ZNF318: variants seen among roughly 807,000 people sequenced by gnomAD.
ZNF318 encodes zinc finger protein 318.
In ZNF318, 51 loss-of-function variants were observed where a neutral mutation model predicts 124.2. The ratio of observed to expected loss-of-function variants is 0.41; its 90% CI spans 0.33 to 0.52. The LOEUF (loss-of-function observed/expected upper bound fraction) is 0.52. Ranked by LOEUF, ZNF318 falls within the 20% of genes least tolerant of loss-of-function variation. ZNF318 has a pLI of 0.23. For synonymous variants in ZNF318, 1,090 were observed against 1,040.7 expected, an observed-to-expected ratio of 1.05 and a Z score of -0.91; for missense variants, 2,815 against 2,811.2, an observed-to-expected ratio of 1.00 and a Z score of -0.03.
rs1779319151 is a variant in ZNF318 at position 43,338,338 on chromosome 6, A to G, written c.5660T>C (p.Ile1887Thr). 6.2e-7 allele frequency: 1 copy of G among 1,614,146 alleles called. No individual in the cohort carries two copies. Among genetic ancestry groups the G allele is most frequent in the South Asian group, 1.1e-5 (1 of 91,082 alleles). Reference sequence around the variant, plus strand: ...ATGAAGCAGCAACTCTGGGGCAGAAATTTTCACAGGTGTATCTTGTGGGTT... The same window carrying G: ...ATGAAGCAGCAACTCTGGGGCAGAAGTTTTCACAGGTGTATCTTGTGGGTT... ...LLNPQDTPVK[I>T]SAPELLLHSP... Residue 1887 changes from isoleucine (I) to threonine (T), a missense_variant, in exon 10 of 10, where the codon ATT (isoleucine) becomes ACT (threonine). By Grantham distance (89) the Ile-to-Thr change is moderately conservative. This residue lies in a region of ZNF318 where 927 missense variants were observed against 820.6 expected (regional missense o/e 1.13). Transcript: ENST00000361428.
intron 2 of ZNF318, among the ~76,000 whole-genome samples, chr6:43,359,043 T>C (rs1255234297): frequency 2.6e-5 from 4 of 152,228 alleles, no homozygotes; most frequent in Admixed American, 6.5e-5. Context: ...AAAAAAAGTA[T>C]CACTATATGG....
chr6:43,363,958 T>C, intron 2 of ZNF318: 1 of 679,362 alleles, frequency 1.5e-6, no homozygotes, highest in East Asian at 2.7e-5. Flanking sequence ...CACCGTTCCT[T>C]GCAAGGTGAC....
Position 43,354,825 on chromosome 6 carries a change from C to T in ZNF318, c.2509G>A (p.Val837Met), listed in dbSNP as rs1779580953. ...QATRSRPNLR[V>M]IPTVTPDKPK... ...TTATCAGGAGTCACAGTGGGGATCA[C>T]ACGAAGATTGGGACGGCTACGAGTA... Residue 837 changes from valine (V) to methionine (M), a missense_variant, in exon 4 of 10, where the codon GTG becomes ATG. Coordinates refer to ENST00000361428, the MANE Select transcript of ZNF318 (RefSeq NM_014345.3). The T allele has an allele frequency of 6.2e-7, 1 of 1,614,068 alleles. No homozygotes were observed.
At chr6:43,342,358 A>C in intron 7 of ZNF318, 147 bp from the exon 8 acceptor site, 1 of 642,552 alleles carries the variant, frequency 1.6e-6, no homozygotes, top group Non-Finnish European at 2.6e-6. Context: ...TTTTAATGGA[A>C]ATCACCTGTG....
In ZNF318 at chr6:43,369,069, G is replaced by A. The variant is rs905554291; in HGVS notation, c.297C>T (p.Phe99=). 4 of 1,334,078 alleles carry A rather than the reference G, an allele frequency of 3.0e-6. No individual in the cohort carries two copies. Among genetic ancestry groups the A allele is most frequent in the African/African-American group, 3.0e-5 (2 of 65,816 alleles). The allele number at this position is 1,334,078 out of a possible 1,614,324, so 82.6% of individuals were successfully genotyped here. The stretch of plus-strand genomic sequence containing the variant: ...CTCTGAAGCCGGCCGGGCCCGGCGG[G>A]AAGAGTCGTCGGCCCCGCGGTGGCG... ...SPSPPRGRRL[F]PPGPAGFRGS... is the part of the protein sequence containing the mutation. Residue 99 remains phenylalanine (F), a synonymous_variant, in exon 1 of 10, where the codon TTC becomes TTT. Coordinates refer to ENST00000361428, the MANE Select transcript of ZNF318 (RefSeq NM_014345.3).
intron 2 of ZNF318, among the ~76,000 whole-genome samples, chr6:43,362,181 G>T (rs546726080): frequency 2.0e-5 from 3 of 151,980 alleles, no homozygotes; most frequent in Non-Finnish European, 2.9e-5. Context: ...TTTAAAAGGG[G>T]CCAGGCGCGG....
intron 4 of ZNF318, among the ~76,000 whole-genome samples, chr6:43,354,217 CA>C (rs575345392): frequency 9.4e-4 from 143 of 152,284 alleles, no homozygotes; most frequent in Non-Finnish European, 1.8e-3. Context: ...TGGTTTGCTT[CA>C]ATTATCAAGC....
At chr6:43,352,740 A>T (rs1489179936) in intron 4 of ZNF318, among the ~76,000 whole-genome samples, 3 of 152,246 alleles carry the variant, frequency 2.0e-5, no homozygotes, top group Admixed American at 2.0e-4. Context: ...CAACTATTAG[A>T]TAGTGGTTCT....
At position 43,354,765 on chromosome 6, in the gene ZNF318, G is replaced by A. The variant is rs769140482; in HGVS notation, c.2569C>T (p.Pro857Ser). ...ACCTGGACAGGCACTTGGGCCGCAGGAATTGAGCCTCGCAGAGACTCTTTC... is the reference window on the plus strand; with the variant it reads ...ACCTGGACAGGCACTTGGGCCGCAGAAATTGAGCCTCGCAGAGACTCTTTC... ...KQKESLRGSI[P>S]AAQVPVQVSI... The change falls in exon 4 of 10, where the codon CCT becomes TCT. Residue 857 changes from proline (P) to serine (S), a missense_variant. Physicochemically the swap from Pro to Ser is moderately conservative, Grantham distance 74. Transcript: ENST00000361428. 6.8e-6 allele frequency: 11 copies of A among 1,614,180 alleles called. No homozygotes were observed. The Admixed American group carries it at 1.8e-4, about 27-fold the overall frequency.
At chr6:43,363,171 G>A (rs1312095206) in intron 2 of ZNF318, among the ~76,000 whole-genome samples, 2 of 152,192 alleles carry the variant, frequency 1.3e-5, no homozygotes, top group Non-Finnish European at 2.9e-5. Context: ...GCATAACAAA[G>A]TTTATGCAAA....
chr6:43,357,493 G>A lies in ZNF318; in HGVS notation c.821C>T (p.Pro274Leu). ...SEERSREAKRPRYDDTVKINS... is the reference protein window; with the variant it reads ...SEERSREAKRLRYDDTVKINS... Reference sequence around the variant, plus strand: ...TATCTTCACTGTGTCATCATAACGGGGTCTTTTGGCCTCCCGGCTCCTTTC... The same window carrying A: ...TATCTTCACTGTGTCATCATAACGGAGTCTTTTGGCCTCCCGGCTCCTTTC... The change falls in exon 3 of 10, where the codon CCC (proline) becomes CTC (leucine). Residue 274 changes from proline to leucine, a missense_variant. Transcript: ENST00000361428. 6.2e-7 allele frequency: 1 copy of A among 1,614,090 alleles called. No individual in the cohort carries two copies. The highest frequency in any genetic ancestry group is 8.5e-7 in the Non-Finnish European group (1 of 1,180,016).
Position 43,369,424 on chromosome 6 carries a change from C to T in ZNF318, c.-59G>A. ...GACCCGGGGGCGCCCTAGACGCAGG[C>T]TCGGAGCGCGCCGCCGCAGCTGCAG... On this transcript the variant is annotated 5_prime_UTR_variant, in exon 1 of 10. Transcript: ENST00000361428. 8 of 1,148,466 alleles carry T rather than the reference C, an allele frequency of 7.0e-6. No homozygotes were observed. Among genetic ancestry groups the T allele is most frequent in the Non-Finnish European group, 8.6e-6 (8 of 932,970 alleles). The allele number at this position is 1,148,466 out of a possible 1,614,324, so 71.1% of individuals were successfully genotyped here. A position where few individuals can be genotyped will look rare whatever the true frequency, so the allele number is the denominator to read the frequency against.
At position 43,369,308 on chromosome 6, in the gene ZNF318, C is replaced by G. The variant is rs866240333; in HGVS notation, c.58G>C (p.Gly20Arg). 2 of 1,347,474 alleles carry G rather than the reference C, an allele frequency of 1.5e-6. No homozygotes were observed. The highest frequency in any genetic ancestry group is 1.9e-6 in the Non-Finnish European group (2 of 1,042,504). The allele number at this position is 1,347,474 out of a possible 1,614,324, so 83.5% of individuals were successfully genotyped here. A position where few individuals can be genotyped will look rare whatever the true frequency, so the allele number is the denominator to read the frequency against. ...VSSHRPKDDG[G>R]GGPRSGRSSG... ...CTGCGGCCGCTGCGCGGGCCGCCCC[C>G]GCCGTCGTCTTTAGGCCGGTGGGAA... Residue 20 changes from glycine (G) to arginine (R), a missense_variant, in exon 1 of 10, where the codon GGG becomes CGG. Around this residue, in one of 4 missense-constraint regions of ZNF318, gnomAD observed 1,377 missense variants for 1,353.5 expected, o/e 1.02. Coordinates refer to ENST00000361428, the MANE Select transcript of ZNF318 (RefSeq NM_014345.3).
Position 43,338,459 on chromosome 6 carries a change from T to G in ZNF318, c.5539A>C (p.Thr1847Pro). The G allele has an allele frequency of 6.2e-7, 1 of 1,614,102 alleles. No homozygotes were observed. The highest frequency in any genetic ancestry group is 8.5e-7 in the Non-Finnish European group (1 of 1,180,016). The change falls in exon 10 of 10, where the codon ACT becomes CCT. Residue 1847 changes from threonine (T) to proline (P), a missense_variant. Thr to Pro is a conservative substitution (Grantham distance 38). Transcript: ENST00000361428. The stretch of plus-strand genomic sequence containing the variant: ...AATTTGATCACTACTTTACTTGGAG[T>G]TTCACTTCCTGTCATCAATTTATTG... ...QSNKLMTGSETPSKVVIKLSP... is the reference protein window; with the variant it reads ...QSNKLMTGSEPPSKVVIKLSP...
rs774340986 is a variant in ZNF318, at chr6:43,355,607, G to T, written c.1727C>A (p.Ala576Asp). The T allele has an allele frequency of 6.2e-7, 1 of 1,614,196 alleles. No individual in the cohort carries two copies. Among genetic ancestry groups the T allele is most frequent in the South Asian group, 1.1e-5 (1 of 91,088 alleles). ...KASSLPSSAP[A>D]VKLESLEETN... ...CTCTTCTAGTGATTCTAGCTTTACAGCTGGAGCTGAAGACGGCAGGGAGCT... is the reference window on the plus strand; with the variant it reads ...CTCTTCTAGTGATTCTAGCTTTACATCTGGAGCTGAAGACGGCAGGGAGCT... The change falls in exon 4 of 10, where the codon GCT becomes GAT. Residue 576 changes from alanine (A) to aspartate (D), a missense_variant. By Grantham distance (126) the Ala-to-Asp change is moderately radical (BLOSUM62 -2). Coordinates refer to ENST00000361428, the MANE Select transcript of ZNF318 (RefSeq NM_014345.3).
chr6:43,359,155 C>T (rs1171737259), intron 2 of ZNF318, among the ~76,000 whole-genome samples: 1 of 152,140 alleles, frequency 6.6e-6, no homozygotes, highest in Non-Finnish European at 1.5e-5. Context: ...ATATTAAAAC[C>T]CATAAAGCTC....
chr6:43,367,101 C>A (rs556665226), intron 1 of ZNF318, among the ~76,000 whole-genome samples: 1 of 152,312 alleles, frequency 6.6e-6, no homozygotes, highest in South Asian at 2.1e-4. Flanking sequence ...CCGCCTGCCT[C>A]GGCCTCCCAA....
chr6:43,365,511 C>T (rs902457506), intron 1 of ZNF318, 71 bp from the exon 2 acceptor site: 17 of 1,523,650 alleles, frequency 1.1e-5, no homozygotes, highest in Non-Finnish European at 1.4e-5. Flanking sequence ...ACTCTCCTCC[C>T]TAGTTACAAA....
chr6:43,368,580 C>T (rs1021770931), intron 1 of ZNF318: 2 of 837,316 alleles, frequency 2.4e-6, no homozygotes, highest in African/African-American at 3.7e-5. Flanking sequence ...CCCTAAGATC[C>T]AGGAAGGCAG....
Sources: allele counts gnomAD v4.1 joint callset (sites outside exome capture counted in the v4.1 genomes callset), GRCh38; gene constraint gnomAD v4.1.1; regional missense constraint gnomAD v4.1.1; transcripts MANE v1.5; gene names NCBI Gene and HGNC (gene_info 2026-07-23, HGNC 2026-07-21).